The following MAPK6 variants were observed in gnomAD, a reference collection of about 807,000 sequenced individuals.
MAPK6 encodes the protein ERK-3.
Under a neutral mutation model 59.3 loss-of-function variants are expected in MAPK6, and 19 were observed. That is an observed-to-expected ratio of 0.32 (90% CI 0.22 to 0.47). MAPK6 has a LOEUF of 0.47. Among genes scored for constraint, MAPK6 ranks in the 20% least tolerant of loss-of-function variants. MAPK6 has a pLI of 1.00. For missense variants in MAPK6, 724 were observed against 847.9 expected, an observed-to-expected ratio of 0.85 and a Z score of 1.81; for synonymous variants, 316 against 290.3, an observed-to-expected ratio of 1.09 and a Z score of -0.90.
intron 4 of MAPK6, 38 bp from the exon 5 acceptor site, chr15:52,061,260 CA>C (rs776995266): frequency 4.8e-6 from 7 of 1,454,326 alleles, no homozygotes; most frequent in Non-Finnish European, 5.8e-6. Flanking sequence ...TAAAGGTAAG[CA>C]ATTCTTTTCT....
intron 1 of MAPK6, among the ~76,000 whole-genome samples, chr15:52,022,119 T>G (rs1392230109): frequency 6.6e-6 from 1 of 151,722 alleles, no homozygotes; most frequent in Non-Finnish European, 1.5e-5. Context: ...AGGCCAGGAG[T>G]TCAAGACCAG....
chr15:52,060,798 T>C (rs1005999081), intron 4 of MAPK6, among the ~76,000 whole-genome samples: 1 of 152,318 alleles, frequency 6.6e-6, no homozygotes, highest in East Asian at 1.9e-4. Flanking sequence ...TTTACTGTTG[T>C]ACTTCCCATC....
intron 1 of MAPK6, among the ~76,000 whole-genome samples, chr15:52,034,252 T>C (rs1049114432): frequency 6.6e-6 from 1 of 152,184 alleles, no homozygotes; most frequent in African/African-American, 2.4e-5. Context: ...CCCAAAGTGC[T>C]GGGATTATAG....
intron 3 of MAPK6, among the ~76,000 whole-genome samples, chr15:52,006,827 T>TA (rs1175871354): frequency 4.6e-5 from 7 of 152,180 alleles, no homozygotes; most frequent in African/African-American, 1.2e-4. Flanking sequence ...GTCTAACAAA[T>TA]ACCATCCTTC....
intron 2 of MAPK6, among the ~76,000 whole-genome samples, chr15:51,998,907 G>A (rs1391029168): frequency 6.7e-6 from 1 of 149,050 alleles, no homozygotes; most frequent in African/African-American, 2.5e-5. Flanking sequence ...AGTCAGGATG[G>A]TCTTGATCTC....
In MAPK6 at chr15:52,064,545, A is replaced by C. The variant is rs757448967; in HGVS notation, c.1711A>C (p.Ser571Arg). The change falls in exon 6 of 6, where the codon AGC becomes CGC. Residue 571 changes from serine to arginine, a missense_variant. Physicochemically the swap from Ser to Arg is moderately radical, Grantham distance 110. Transcript: ENST00000261845. The stretch of plus-strand genomic sequence containing the variant: ...GAAAAGTTTGATATCAAAGTCAGTA[A>C]GCCAAGAAAAACAGGAAAAAGGAAT... ...ELKSLISKSV[S>R]QEKQEKGMAN... The C allele has an allele frequency of 6.2e-7, 1 of 1,611,444 alleles. No homozygotes were observed. Among genetic ancestry groups the C allele is most frequent in the Non-Finnish European group, 8.5e-7 (1 of 1,179,642 alleles).
At chr15:51,989,596 T>A (rs929107501) in intron 2 of MAPK6, among the ~76,000 whole-genome samples, 1 of 151,950 alleles carries the variant, frequency 6.6e-6, no homozygotes, top group African/African-American at 2.4e-5. Flanking sequence ...GCTTAAAATA[T>A]TTATTATTTT....
upstream of MAPK6, among the ~76,000 whole-genome samples, chr15:52,016,070 G>GCGCGCGCGCGCA: frequency 1.6e-3 from 89 of 55,438 alleles, 1 homozygote; most frequent in Non-Finnish European, 2.1e-3. Context: ...GCGCGCGCGC[G>GCGCGCGCGCGCA]CACACACACA....
At chr15:52,022,878 A>G (rs2030589937) in intron 1 of MAPK6, among the ~76,000 whole-genome samples, 1 of 152,070 alleles carries the variant, frequency 6.6e-6, no homozygotes, top group South Asian at 2.1e-4. Context: ...TGGGAGGCTG[A>G]GGAGGCAGAT....
At chr15:52,033,382 G>A (rs2031114383) in intron 1 of MAPK6, among the ~76,000 whole-genome samples, 1 of 152,180 alleles carries the variant, frequency 6.6e-6, no homozygotes, top group Non-Finnish European at 1.5e-5. Context: ...AACAAAGCAG[G>A]TGGAAGAAGA....
At chr15:52,001,649 C>T (rs904900486) in intron 2 of MAPK6, among the ~76,000 whole-genome samples, 5 of 151,804 alleles carry the variant, frequency 3.3e-5, no homozygotes, top group African/African-American at 1.2e-4. Context: ...GCTAGGACTA[C>T]AGGCACGAGT....
At position 51,997,660 on chromosome 15, in the gene MAPK6, G is replaced by T. The variant is rs187506503; in HGVS notation, c.-769-6605G>T. Among the ~76,000 whole-genome samples, 730 of 143,000 alleles carry T rather than the reference G, an allele frequency of 5.1e-3. 8 individuals are homozygous for T. Among genetic ancestry groups the T allele is most frequent in the Middle Eastern group, 0.012 (3 of 246 alleles). The allele number at this position is 143,000 out of a possible 152,430, so 93.8% of individuals were successfully genotyped here. A position where few individuals can be genotyped will look rare whatever the true frequency, so the allele number is the denominator to read the frequency against. ...GGCTGGAATGCAATGGCGTGATCTC[G>T]GCTCACTGCAAACTCTGCCTCCCGG... On this transcript the variant is annotated intron_variant, in intron 2 of 7. Coordinates refer to the MAPK6 transcript ENST00000691380.
intron 1 of MAPK6, among the ~76,000 whole-genome samples, chr15:52,029,577 G>C (rs1318036734): frequency 2.0e-5 from 3 of 152,090 alleles, no homozygotes; most frequent in African/African-American, 7.2e-5. Flanking sequence ...TAACCTAGTA[G>C]GCAGTTGTCT....
intron 1 of MAPK6, among the ~76,000 whole-genome samples, chr15:52,037,299 T>C (rs1010773980): frequency 1.3e-5 from 2 of 152,178 alleles, no homozygotes; most frequent in Admixed American, 6.5e-5. Flanking sequence ...CAGAGATGTT[T>C]TATATGGCCT....
At chr15:51,992,305 ATTTTTTTT>A (rs61396800) in intron 2 of MAPK6, among the ~76,000 whole-genome samples, 25 of 101,452 alleles carry the variant, frequency 2.5e-4, no homozygotes, top group African/African-American at 8.6e-4. Context: ...ATATATATAT[ATTTTTTTT>A]TTTTTTGAGA....
At chr15:51,980,738 A>C (rs1595956473) in intron 1 of MAPK6, among the ~76,000 whole-genome samples, 1 of 150,888 alleles carries the variant, frequency 6.6e-6, no homozygotes. Flanking sequence ...CTACAGGCGC[A>C]TACCACCACG....
intron 1 of MAPK6, chr15:52,027,778 T>C (rs1036750042): frequency 4.8e-5 from 7 of 145,090 alleles, no homozygotes; most frequent in Non-Finnish European, 9.0e-5. Flanking sequence ...TATTTATTTA[T>C]TTACTGTTTT....
chr15:52,056,317 T>C (rs2031981432), intron 3 of MAPK6, among the ~76,000 whole-genome samples: 1 of 152,216 alleles, frequency 6.6e-6, no homozygotes, highest in Non-Finnish European at 1.5e-5. Context: ...ATCACTTTTA[T>C]CAGTATTCAT....
At chr15:52,016,070 G>GCGCACACACACACACACACA, upstream of MAPK6, among the ~76,000 whole-genome samples, 1 of 55,392 alleles carries the variant, frequency 1.8e-5, no homozygotes, top group Non-Finnish European at 3.4e-5. Context: ...GCGCGCGCGC[G>GCGCACACACACACACACACA]CACACACACA....
Sources: allele counts gnomAD v4.1 joint callset (sites outside exome capture counted in the v4.1 genomes callset), GRCh38; gene constraint gnomAD v4.1.1; transcripts MANE v1.5; gene names NCBI Gene and HGNC (gene_info 2026-07-23, HGNC 2026-07-21).